The following INPP4B variants were observed in gnomAD, a reference collection of about 807,000 sequenced individuals.
INPP4B encodes the protein inositol polyphosphate 4-phosphatase type II.
In INPP4B, 55 loss-of-function variants were observed where a neutral mutation model predicts 122.5. The ratio of observed to expected loss-of-function variants is 0.45; its 90% CI spans 0.36 to 0.56. INPP4B has a LOEUF of 0.56. Among genes scored for constraint, INPP4B ranks in the 20% least tolerant of loss-of-function variants. The pLI is 0.00. For missense variants in INPP4B, 1,000 were observed against 1,097.7 expected (o/e 0.91, Z 1.26); for synonymous variants, 403 against 388.7 (o/e 1.04, Z -0.43).
chr4:142,613,691 T>A (rs1461651029), intron 2 of INPP4B, among the ~76,000 whole-genome samples: 2 of 152,218 alleles, frequency 1.3e-5, no homozygotes, highest in African/African-American at 4.8e-5. Context: ...AACAAAAAGC[T>A]ATACAATAAC....
intron 2 of INPP4B, among the ~76,000 whole-genome samples, chr4:142,530,686 T>C (rs911488445): frequency 4.6e-5 from 7 of 152,004 alleles, no homozygotes; most frequent in African/African-American, 1.4e-4. Flanking sequence ...GTGTTCATCA[T>C]AGGTCTCTCT....
chr4:142,519,843 C>G (rs1291196669), intron 2 of INPP4B, among the ~76,000 whole-genome samples: 1 of 151,962 alleles, frequency 6.6e-6, no homozygotes, highest in Non-Finnish European at 1.5e-5. Context: ...CACTATATTT[C>G]CAAGACTAAA....
chr4:142,612,420 CCTT>C (rs1742758080), intron 2 of INPP4B, among the ~76,000 whole-genome samples: 1 of 152,104 alleles, frequency 6.6e-6, no homozygotes, highest in Non-Finnish European at 1.5e-5. Flanking sequence ...ATGTCTTAGT[CCTT>C]CTTGGCTATT....
chr4:142,740,686 TA>T lies in INPP4B; in HGVS notation c.-253-14786del, dbSNP rs886253427. 1.4e-3 allele frequency among the ~76,000 whole-genome samples: 218 copies of T among 150,864 alleles called. 1 individual carries two copies. The highest frequency in any genetic ancestry group is 5.0e-3 in the African/African-American group (206 of 41,212). On this transcript the variant is annotated intron_variant, in intron 1 of 25. Transcript: ENST00000262992. ...CTCAAAAGCCCAAAAGGGTGGACAA[TA>T]AAAAAAAATTGCACCTTAACAGGGG...
intron 2 of INPP4B, among the ~76,000 whole-genome samples, chr4:142,561,479 C>T (rs1435236325): frequency 3.3e-5 from 5 of 152,054 alleles, no homozygotes; most frequent in South Asian, 2.1e-4. Context: ...AGTGTAGTGG[C>T]GCGATCTCAG....
intron 12 of INPP4B, among the ~76,000 whole-genome samples, chr4:142,222,264 C>T (rs543542668): frequency 6.6e-6 from 1 of 152,198 alleles, no homozygotes; most frequent in African/African-American, 2.4e-5. Flanking sequence ...CCAGCCCTTA[C>T]CCACTATTTC....
chr4:142,834,862 G>A (rs62331933), intron 1 of INPP4B, among the ~76,000 whole-genome samples: 8,688 of 152,168 alleles, frequency 0.057, 277 homozygotes, highest in Middle Eastern at 0.13. Context: ...TCACTGCTAG[G>A]GCATTGTTCT....
At chr4:142,101,041 G>A (rs1045209822) in intron 23 of INPP4B, among the ~76,000 whole-genome samples, 2 of 152,114 alleles carry the variant, frequency 1.3e-5, no homozygotes, top group Admixed American at 6.6e-5. Context: ...CTGATTGTTT[G>A]AAGGCCTTTT....
intron 2 of INPP4B, among the ~76,000 whole-genome samples, chr4:142,605,857 C>CA (rs767795747): frequency 2.2e-4 from 33 of 151,672 alleles, no homozygotes; most frequent in Non-Finnish European, 4.1e-4. Context: ...CTCAAAAAAA[C>CA]AAAAAAATAG....
intron 2 of INPP4B, among the ~76,000 whole-genome samples, chr4:142,720,761 ATCTCTCTCTCTCTCTC>A (rs1175727015): frequency 0.07 from 2,636 of 37,588 alleles, 336 homozygotes; most frequent in Non-Finnish European, 0.093. Context: ...TATATATATA[ATCTCTCTCTCTCTCTC>A]TCTCTCTCTC....
intron 2 of INPP4B, among the ~76,000 whole-genome samples, chr4:142,647,524 T>C (rs368334290): frequency 6.6e-6 from 1 of 152,186 alleles, no homozygotes; most frequent in East Asian, 1.9e-4. Context: ...CAATGGTGCC[T>C]AACGCCTGCC....
chr4:142,350,279 A>G (rs955200812), intron 7 of INPP4B, among the ~76,000 whole-genome samples: 1 of 152,004 alleles, frequency 6.6e-6, no homozygotes, highest in African/African-American at 2.4e-5. Flanking sequence ...TCATTGTTGT[A>G]CCATTTTCTC....
chr4:142,308,719 T>C (rs1050748507), intron 8 of INPP4B, among the ~76,000 whole-genome samples: 1 of 151,508 alleles, frequency 6.6e-6, no homozygotes, highest in Non-Finnish European at 1.5e-5. Flanking sequence ...TAATTTAAGA[T>C]AATTTATTTA....
rs1031160970 is a variant in INPP4B at position 142,801,563 on chromosome 4, T to C, written c.-254+44646A>G. ...CCAACTCCATCTTCGACTTTCAGCC[T>C]CCAGAACTGTAAGAAAATAAATTTT... On this transcript the variant is annotated intron_variant, in intron 1 of 25. Transcript: ENST00000262992. Among the ~76,000 whole-genome samples, 26 of 152,154 alleles carry C rather than the reference T, an allele frequency of 1.7e-4. 1 individual carries two copies. The highest frequency in any genetic ancestry group is 3.9e-4 in the Admixed American group (6 of 15,274).
chr4:142,741,866 G>A (rs943861511), intron 1 of INPP4B, among the ~76,000 whole-genome samples: 2 of 151,866 alleles, frequency 1.3e-5, no homozygotes, highest in African/African-American at 4.8e-5. Context: ...CATGGCAAGG[G>A]AATAGGGCAA....
chr4:142,842,462 C>T (rs998059849), intron 1 of INPP4B, among the ~76,000 whole-genome samples: 3 of 147,082 alleles, frequency 2.0e-5, no homozygotes, highest in African/African-American at 7.5e-5. Context: ...AAGATACTTC[C>T]AAGAAATAAG....
At chr4:142,259,070 T>A (rs1388097132) in intron 11 of INPP4B, among the ~76,000 whole-genome samples, 1 of 151,872 alleles carries the variant, frequency 6.6e-6, no homozygotes, top group East Asian at 1.9e-4. Flanking sequence ...TGCATGAAAT[T>A]GGAAATCATC....
intron 2 of INPP4B, among the ~76,000 whole-genome samples, chr4:142,681,250 T>C (rs1413834157): frequency 1.3e-5 from 2 of 151,818 alleles, no homozygotes; most frequent in African/African-American, 2.4e-5. Context: ...TTTGAAACTC[T>C]ATACAGTGTT....
chr4:142,742,103 AC>A, intron 1 of INPP4B, among the ~76,000 whole-genome samples: 1 of 152,024 alleles, frequency 6.6e-6, no homozygotes, highest in East Asian at 1.9e-4. Flanking sequence ...TTGGTGCCCT[AC>A]CCAGATTTCC....
Sources: allele counts gnomAD v4.1 joint callset (sites outside exome capture counted in the v4.1 genomes callset), GRCh38; gene constraint gnomAD v4.1.1; transcripts MANE v1.5; gene names NCBI Gene and HGNC (gene_info 2026-07-23, HGNC 2026-07-21).